Variants in TAFA2 observed in about 807,000 individuals in gnomAD.
TAFA2 encodes the protein TAFA chemokine like family member 2.
A neutral mutation model predicts 18.8 loss-of-function variants in TAFA2; 7 were observed. The ratio of observed to expected loss-of-function variants is 0.37; its 90% CI spans 0.21 to 0.70. The LOEUF (loss-of-function observed/expected upper bound fraction) is 0.70. Among genes scored for constraint, TAFA2 ranks in the 30% least tolerant of loss-of-function variants. The pLI is 0.53. For missense variants in TAFA2, 122 were observed against 158.1 expected, an observed-to-expected ratio of 0.77 and a Z score of 1.23; for synonymous variants, 60 against 54.2, an observed-to-expected ratio of 1.11 and a Z score of -0.47.
At chr12:61,996,532 T>C (rs1245618167) in intron 1 of TAFA2, among the ~76,000 whole-genome samples, 1 of 152,224 alleles carries the variant, frequency 6.6e-6, no homozygotes, top group Non-Finnish European at 1.5e-5. Flanking sequence ...TGGGAGCTGA[T>C]GCATAAATAC....
chr12:61,891,683 A>G (rs545752693), intron 1 of TAFA2, among the ~76,000 whole-genome samples: 20 of 152,150 alleles, frequency 1.3e-4, no homozygotes, highest in African/African-American at 4.1e-4. Flanking sequence ...AAGGTAGAGT[A>G]GGAGGAGGAG....
At chr12:61,924,641 A>T (rs982317757) in intron 1 of TAFA2, among the ~76,000 whole-genome samples, 1 of 152,206 alleles carries the variant, frequency 6.6e-6, no homozygotes, top group Non-Finnish European at 1.5e-5. Flanking sequence ...AAACATACCA[A>T]AATGTAAAGA....
intron 1 of TAFA2, among the ~76,000 whole-genome samples, chr12:62,202,569 G>A (rs767708379): frequency 4.0e-4 from 61 of 151,914 alleles, no homozygotes; most frequent in Non-Finnish European, 7.4e-4. Flanking sequence ...TGATCCACCT[G>A]CTTTGGCCTC....
chr12:61,754,810 G>C (rs1869185068), intron 3 of TAFA2, 62 bp downstream of exon 3: 1 of 1,547,676 alleles, frequency 6.5e-7, no homozygotes, highest in African/African-American at 1.4e-5. Flanking sequence ...CATTATAGTG[G>C]GGTTCTAGTT....
chr12:62,041,043 T>C (rs1193923635), intron 1 of TAFA2, among the ~76,000 whole-genome samples: 1 of 152,158 alleles, frequency 6.6e-6, no homozygotes, highest in African/African-American at 2.4e-5. Context: ...ATTCAGACCG[T>C]TTTTATCATT....
At chr12:62,233,064 CTCTTTTT>C (rs1284507135) in intron 1 of TAFA2, among the ~76,000 whole-genome samples, 9 of 78,384 alleles carry the variant, frequency 1.1e-4, no homozygotes, top group African/African-American at 5.0e-4. Context: ...ATTTCTGCAT[CTCTTTTT>C]TTTTTTTTTT....
chr12:61,935,680 A>G (rs887164508), intron 1 of TAFA2, among the ~76,000 whole-genome samples: 2 of 152,162 alleles, frequency 1.3e-5, no homozygotes, highest in African/African-American at 4.8e-5. Flanking sequence ...TTTGAACAAA[A>G]CACAAAGAGA....
intron 1 of TAFA2, among the ~76,000 whole-genome samples, chr12:62,136,727 T>C (rs549129763): frequency 6.6e-6 from 1 of 152,244 alleles, no homozygotes; most frequent in East Asian, 1.9e-4. Context: ...TGGTGAAATA[T>C]TTGTTAAGAG....
chr12:62,106,083 A>G (rs1378802998), intron 1 of TAFA2, among the ~76,000 whole-genome samples: 6 of 152,214 alleles, frequency 3.9e-5, no homozygotes, highest in Non-Finnish European at 8.8e-5. Flanking sequence ...CTGTAATCCC[A>G]GCACTTAGGG....
At chr12:61,751,309 C>T (rs559750382) in intron 4 of TAFA2, among the ~76,000 whole-genome samples, 4 of 152,108 alleles carry the variant, frequency 2.6e-5, no homozygotes, top group Admixed American at 2.6e-4. Flanking sequence ...AACTAAATTG[C>T]ACATTTTTGC....
intron 1 of TAFA2, among the ~76,000 whole-genome samples, chr12:62,101,224 C>G (rs1869186723): frequency 6.6e-6 from 1 of 151,996 alleles, no homozygotes; most frequent in Admixed American, 6.6e-5. Context: ...AACGAATTAC[C>G]CATGCCCACC....
chr12:62,029,018 A>G (rs760223076), intron 1 of TAFA2, among the ~76,000 whole-genome samples: 91 of 152,302 alleles, frequency 6.0e-4, no homozygotes, highest in Middle Eastern at 6.8e-3. Flanking sequence ...ATAGATATGC[A>G]TTAGAAAATT....
chr12:61,797,694 G>T (rs1198527195), intron 2 of TAFA2, among the ~76,000 whole-genome samples: 1 of 151,816 alleles, frequency 6.6e-6, no homozygotes, highest in Non-Finnish European at 1.5e-5. Flanking sequence ...TGGTGAGAAC[G>T]TTTCTCTGAA....
chr12:62,175,150 T>C (rs1444277484), intron 1 of TAFA2, among the ~76,000 whole-genome samples: 1 of 152,356 alleles, frequency 6.6e-6, no homozygotes, highest in East Asian at 1.9e-4. Flanking sequence ...ATGTAACTTC[T>C]AAGTCAATGC....
Position 61,796,493 on chromosome 12 carries a change from C to G in TAFA2, c.107-41469G>C, listed in dbSNP as rs1871195159. 2.0e-5 allele frequency among the ~76,000 whole-genome samples: 3 copies of G among 152,002 alleles called. No homozygotes were observed. In the South Asian group the frequency reaches 6.2e-4, roughly 32 times the overall value. On this transcript the variant is annotated intron_variant, in intron 2 of 4. Coordinates refer to ENST00000416284, the MANE Select transcript of TAFA2 (RefSeq NM_178539.5). Reference sequence around the variant, plus strand: ...TGCAACATTATCTACAATAACTGATCAATGTGTAATAACAAATCAATGGTT... The same window carrying G: ...TGCAACATTATCTACAATAACTGATGAATGTGTAATAACAAATCAATGGTT...
chr12:61,963,954 A>G (rs1421700050), intron 1 of TAFA2, among the ~76,000 whole-genome samples: 2 of 152,074 alleles, frequency 1.3e-5, no homozygotes, highest in East Asian at 3.9e-4. Flanking sequence ...TCTTTGACAA[A>G]CCTGGCAAAA....
At position 61,710,368 on chromosome 12, in the gene TAFA2, A is replaced by G. The variant is rs768108086; in HGVS notation, c.*38T>C. ...AGTTAAGTTTCTATGCGCATGTTCA[A>G]TGTCATCAGCCTTGAGGATCACTTG... On this transcript the variant is annotated 3_prime_UTR_variant, in exon 5 of 5. Coordinates refer to ENST00000416284, the MANE Select transcript of TAFA2 (RefSeq NM_178539.5). The G allele has an allele frequency of 5.1e-5, 81 of 1,602,410 alleles. No individual in the cohort carries two copies. The Middle Eastern group carries it at 9.9e-4, about 20-fold the overall frequency.
At chr12:62,166,477 T>C (rs1320837546) in intron 1 of TAFA2, among the ~76,000 whole-genome samples, 2 of 152,162 alleles carry the variant, frequency 1.3e-5, no homozygotes, top group Non-Finnish European at 2.9e-5. Context: ...AGTAAAGGAA[T>C]GGTAATATTT....
chr12:61,922,352 G>A (rs993435585), intron 1 of TAFA2, among the ~76,000 whole-genome samples: 1 of 152,118 alleles, frequency 6.6e-6, no homozygotes. Flanking sequence ...AGCTCCCAGC[G>A]AGACCAACAC....
Sources: gnomAD v4.1 joint callset for allele counts (sites outside exome capture counted in the v4.1 genomes callset) on GRCh38, gnomAD v4.1.1 for gene constraint, MANE v1.5 for transcripts, NCBI Gene and HGNC (gene_info 2026-07-23, HGNC 2026-07-21) for gene names.